The following ARL15 variants were observed in gnomAD, a reference collection of about 807,000 sequenced individuals.
ARL15 encodes the protein ADP-ribosylation factor-like protein 15.
ARL15 carries 19 observed loss-of-function variants against 25.2 expected under a neutral mutation model. The observed-to-expected ratio is 0.75, with a 90% CI of 0.53 to 1.10. The LOEUF is 1.10. ARL15 is among the 50% of genes least tolerant of loss of function. The probability of loss-of-function intolerance (pLI) is 0.00; values close to 1 mark genes in which losing one functional copy is unlikely to be tolerated. For missense variants in ARL15, 220 were observed against 246.0 expected, an observed-to-expected ratio of 0.89 and a Z score of 0.71; for synonymous variants, 94 against 86.8, an observed-to-expected ratio of 1.08 and a Z score of -0.46.
chr5:54,065,947 A>G (rs1751218002), intron 4 of ARL15, among the ~76,000 whole-genome samples: 1 of 152,238 alleles, frequency 6.6e-6, no homozygotes, highest in Non-Finnish European at 1.5e-5. Context: ...TGTGGTCTGC[A>G]TTACATTTGG....
At chr5:54,082,885 C>T (rs936568135) in intron 4 of ARL15, among the ~76,000 whole-genome samples, 19 of 152,102 alleles carry the variant, frequency 1.2e-4, no homozygotes, top group Admixed American at 2.0e-4. Flanking sequence ...AAGAATTGGG[C>T]ATAGTAAAAG....
At chr5:54,292,035 A>T (rs1758349022) in intron 1 of ARL15, among the ~76,000 whole-genome samples, 1 of 152,196 alleles carries the variant, frequency 6.6e-6, no homozygotes, top group Non-Finnish European at 1.5e-5. Flanking sequence ...TCAGGGAACT[A>T]CTTGGGGTTT....
At chr5:54,232,677 T>G (rs1756703591) in intron 1 of ARL15, among the ~76,000 whole-genome samples, 1 of 152,182 alleles carries the variant, frequency 6.6e-6, no homozygotes, top group Admixed American at 6.5e-5. Context: ...ACAAAATTGC[T>G]TCTCAGAACT....
At chr5:54,073,733 A>AG (rs1356126338) in intron 4 of ARL15, among the ~76,000 whole-genome samples, 3 of 152,206 alleles carry the variant, frequency 2.0e-5, no homozygotes, top group Non-Finnish European at 4.4e-5. Context: ...TCCTACTTCT[A>AG]GTCCCCTTGA....
chr5:54,015,068 A>G (rs1270725222), intron 4 of ARL15, among the ~76,000 whole-genome samples: 5 of 151,894 alleles, frequency 3.3e-5, no homozygotes, highest in Non-Finnish European at 5.9e-5. Context: ...CAAGGCAGGT[A>G]GATCACCTGA....
chr5:54,094,859 T>C (rs1322107074), intron 4 of ARL15, among the ~76,000 whole-genome samples: 3 of 152,198 alleles, frequency 2.0e-5, no homozygotes, highest in Non-Finnish European at 2.9e-5. Context: ...GGCACCTATA[T>C]ATACATCAAT....
intron 4 of ARL15, among the ~76,000 whole-genome samples, chr5:54,099,908 AAG>A (rs1014003690): frequency 6.6e-6 from 1 of 152,152 alleles, no homozygotes; most frequent in Admixed American, 6.5e-5. Flanking sequence ...TTAAATCCAA[AAG>A]TTCTGACTTC....
At chr5:54,064,237 T>A (rs754168887) in intron 4 of ARL15, among the ~76,000 whole-genome samples, 6 of 152,146 alleles carry the variant, frequency 3.9e-5, no homozygotes, top group African/African-American at 7.2e-5. Context: ...TCTAATGTGA[T>A]ACCGAAATAC....
rs188695709 is a variant in ARL15 at position 54,308,811 on chromosome 5, C to T, written c.48+1621G>A. Among the ~76,000 whole-genome samples, 782 of 152,194 alleles carry T rather than the reference C, an allele frequency of 5.1e-3. 4 individuals are homozygous for T. Among genetic ancestry groups the T allele is most frequent in the Middle Eastern group, 0.01 (3 of 294 alleles). On this transcript the variant is annotated intron_variant, in intron 1 of 4. Transcript: ENST00000504924. Reference sequence around the variant, plus strand: ...GCAATTTATAAATTTAAAACACATCCGGTAAATAAAGAAAATAATAAAATG... The same window carrying T: ...GCAATTTATAAATTTAAAACACATCTGGTAAATAAAGAAAATAATAAAATG...
At chr5:54,097,544 T>C (rs1291303940) in intron 4 of ARL15, among the ~76,000 whole-genome samples, 1 of 152,238 alleles carries the variant, frequency 6.6e-6, no homozygotes, top group Non-Finnish European at 1.5e-5. Context: ...ATAATTGTGA[T>C]CAATAACTGT....
intron 4 of ARL15, among the ~76,000 whole-genome samples, chr5:54,010,863 G>T (rs1000872781): frequency 6.6e-6 from 1 of 152,046 alleles, no homozygotes; most frequent in African/African-American, 2.4e-5. Context: ...GCGGGGCTTG[G>T]TGGTGGGCGC....
intron 1 of ARL15, among the ~76,000 whole-genome samples, chr5:54,188,400 T>C (rs1177198257): frequency 6.6e-6 from 1 of 152,204 alleles, no homozygotes. Flanking sequence ...CAAGGAATTA[T>C]GACTCCATCC....
At chr5:53,959,227 T>C (rs1394941651) in intron 4 of ARL15, among the ~76,000 whole-genome samples, 2 of 152,234 alleles carry the variant, frequency 1.3e-5, no homozygotes, top group Non-Finnish European at 2.9e-5. Context: ...AAAAAAATTT[T>C]GTTTCATTTT....
chr5:54,211,663 G>C (rs867426109), intron 1 of ARL15, among the ~76,000 whole-genome samples: 1 of 151,802 alleles, frequency 6.6e-6, no homozygotes, highest in African/African-American at 2.4e-5. Flanking sequence ...GTAGAGACAG[G>C]GTTTTGCCAT....
chr5:54,244,564 A>G (rs541596869), intron 1 of ARL15, among the ~76,000 whole-genome samples: 3 of 152,346 alleles, frequency 2.0e-5, no homozygotes, highest in African/African-American at 7.2e-5. Context: ...ATAAAGGTCA[A>G]GCTAAAGAAT....
intron 4 of ARL15, among the ~76,000 whole-genome samples, chr5:54,074,235 C>T (rs1213931440): frequency 6.6e-6 from 1 of 152,070 alleles, no homozygotes; most frequent in African/African-American, 2.4e-5. Context: ...CCACTGCTTA[C>T]AAACTGAGCC....
chr5:54,048,394 TA>T lies in ARL15; in HGVS notation c.462+64807del, dbSNP rs1283412116. 1.3e-4 allele frequency: 12 copies of T among 95,692 alleles called. No homozygotes were observed. In the East Asian group the frequency reaches 1.6e-3, roughly 12 times the overall value. The allele number at this position is 95,692 out of a possible 1,614,324, so 5.9% of individuals were successfully genotyped here. A position where few individuals can be genotyped will look rare whatever the true frequency, so the allele number is the denominator to read the frequency against. On this transcript the variant is annotated intron_variant, in intron 4 of 4. Coordinates refer to ENST00000504924, the MANE Select transcript of ARL15 (RefSeq NM_019087.3). Reference sequence around the variant, plus strand: ...ATTTATAAATTATATATATATAAATTATATATATATATATTTTTTTTTTTTT... The same window carrying T: ...ATTTATAAATTATATATATATAAATTTATATATATATATTTTTTTTTTTTT...
intron 4 of ARL15, among the ~76,000 whole-genome samples, chr5:54,056,317 G>A (rs188204818): frequency 3.3e-5 from 5 of 152,210 alleles, no homozygotes; most frequent in African/African-American, 1.2e-4. Flanking sequence ...AAGGGTCGGG[G>A]AAGGGGCGGG....
chr5:53,955,543 G>T (rs1044564740), intron 4 of ARL15, among the ~76,000 whole-genome samples: 1 of 152,158 alleles, frequency 6.6e-6, no homozygotes, highest in African/African-American at 2.4e-5. Flanking sequence ...ACCTCCAAGT[G>T]CCCCATCTCC....
Sources: gnomAD v4.1 joint callset for allele counts (sites outside exome capture counted in the v4.1 genomes callset) on GRCh38, gnomAD v4.1.1 for gene constraint, MANE v1.5 for transcripts, NCBI Gene and HGNC (gene_info 2026-07-23, HGNC 2026-07-21) for gene names.